BMERB1: variants seen among roughly 807,000 people sequenced by gnomAD.
The protein encoded by BMERB1 is bMERB domain-containing protein 1.
In BMERB1, 12 loss-of-function variants were observed where a neutral mutation model predicts 23.6. That is an observed-to-expected ratio of 0.51 (90% confidence interval 0.33 to 0.82). BMERB1 has a LOEUF of 0.82. BMERB1 is among the 40% of genes least tolerant of loss of function. BMERB1 has a pLI of 0.03. For synonymous variants in BMERB1, 122 were observed against 96.6 expected (o/e 1.26, Z -1.54); for missense variants, 247 against 255.4 (o/e 0.97, Z 0.22).
intron 1 of BMERB1, among the ~76,000 whole-genome samples, chr16:15,514,253 G>A (rs1158093841): frequency 3.3e-5 from 5 of 152,300 alleles, no homozygotes; most frequent in South Asian, 2.1e-4. Context: ...GGATGACAGA[G>A]TGAGGCCTAG....
At chr16:15,470,667 A>G (rs2051221342) in intron 1 of BMERB1, among the ~76,000 whole-genome samples, 2 of 151,680 alleles carry the variant, frequency 1.3e-5, no homozygotes, top group Admixed American at 1.3e-4. Context: ...CTGGGATTAC[A>G]GGCACATGCC....
At chr16:15,490,652 C>G (rs1011218292) in intron 1 of BMERB1, among the ~76,000 whole-genome samples, 2 of 152,144 alleles carry the variant, frequency 1.3e-5, no homozygotes, top group African/African-American at 4.8e-5. Context: ...CAGAGACGCC[C>G]TGGCTACCTG....
chr16:15,530,903 CTTTTTTTTTT>C (rs1220558728), intron 2 of BMERB1, among the ~76,000 whole-genome samples: 2 of 109,250 alleles, frequency 1.8e-5, no homozygotes, highest in African/African-American at 3.5e-5. Flanking sequence ...TTTCTTCTTT[CTTTTTTTTTT>C]TTTTTTTTTT....
At chr16:15,518,475 G>A (rs73499114) in intron 2 of BMERB1, among the ~76,000 whole-genome samples, 4,430 of 152,214 alleles carry the variant, frequency 0.029, 201 homozygotes, top group South Asian at 0.11. Flanking sequence ...ATAGACGGTG[G>A]ACACTAAGGC....
intron 2 of BMERB1, chr16:15,536,619 A>G (rs1353120664): frequency 6.6e-6 from 1 of 152,296 alleles, no homozygotes; most frequent in Non-Finnish European, 1.5e-5. Flanking sequence ...CAATGTGTCC[A>G]TCTTGCACCA....
chr16:15,498,664 C>T (rs1270929230), intron 1 of BMERB1, among the ~76,000 whole-genome samples: 1 of 148,808 alleles, frequency 6.7e-6, no homozygotes, highest in Admixed American at 6.8e-5. Flanking sequence ...GAAGATGGAA[C>T]TAAGGAAGGA....
intron 1 of BMERB1, among the ~76,000 whole-genome samples, chr16:15,453,234 G>C (rs528070350): frequency 6.7e-6 from 1 of 149,968 alleles, no homozygotes; most frequent in South Asian, 2.1e-4. Flanking sequence ...AATAAAACAG[G>C]GTTAATGCTC....
intron 2 of BMERB1, among the ~76,000 whole-genome samples, chr16:15,529,392 C>T (rs2051946099): frequency 6.6e-6 from 1 of 152,116 alleles, no homozygotes; most frequent in African/African-American, 2.4e-5. Flanking sequence ...GACTAAGGCA[C>T]CTGATAAACT....
At chr16:15,559,884 T>C (rs1028380972) in intron 2 of BMERB1, among the ~76,000 whole-genome samples, 2 of 152,146 alleles carry the variant, frequency 1.3e-5, no homozygotes, top group Non-Finnish European at 2.9e-5. Flanking sequence ...AAGAATTGTC[T>C]TGGACCACAC....
intron 2 of BMERB1, among the ~76,000 whole-genome samples, chr16:15,548,807 T>A (rs1034689740): frequency 3.3e-5 from 5 of 152,202 alleles, no homozygotes; most frequent in African/African-American, 9.6e-5. Context: ...CTTATCTGCT[T>A]CTGCTGGTGC....
chr16:15,567,479 G>A (rs953932679), intron 2 of BMERB1, among the ~76,000 whole-genome samples: 2 of 152,108 alleles, frequency 1.3e-5, no homozygotes, highest in African/African-American at 2.4e-5. Flanking sequence ...CAGGCACCGC[G>A]GCTTATGCCT....
intron 2 of BMERB1, among the ~76,000 whole-genome samples, chr16:15,533,315 G>A (rs560326101): frequency 2.0e-5 from 3 of 152,174 alleles, no homozygotes; most frequent in African/African-American, 7.2e-5. Context: ...TTGAAACGAC[G>A]AGAGAAGTCT....
chr16:15,467,189 T>C (rs912594151), intron 1 of BMERB1, among the ~76,000 whole-genome samples: 3 of 152,192 alleles, frequency 2.0e-5, no homozygotes, highest in African/African-American at 7.2e-5. Flanking sequence ...TAAGTTTTCA[T>C]TTCTCTGAGA....
intron 1 of BMERB1, among the ~76,000 whole-genome samples, chr16:15,497,181 C>T (rs910821395): frequency 6.6e-6 from 1 of 152,126 alleles, no homozygotes; most frequent in African/African-American, 2.4e-5. Context: ...AGGAAGGAGG[C>T]TTTACTCAGG....
chr16:15,515,280 G>T, intron 1 of BMERB1, 25 bp from the exon 2 acceptor site: 1 of 1,612,582 alleles, frequency 6.2e-7, no homozygotes, highest in Non-Finnish European at 8.5e-7. Context: ...GGTCCTGATG[G>T]TTGTATTTCC....
intron 3 of BMERB1, among the ~76,000 whole-genome samples, chr16:15,570,150 G>C (rs1332547681): frequency 1.3e-5 from 2 of 152,136 alleles, no homozygotes; most frequent in African/African-American, 2.4e-5. Context: ...CCCTTGACTT[G>C]AATGTTTTTG....
At chr16:15,497,257 T>C (rs1167670775) in intron 1 of BMERB1, among the ~76,000 whole-genome samples, 4 of 151,944 alleles carry the variant, frequency 2.6e-5, no homozygotes, top group African/African-American at 7.3e-5. Flanking sequence ...AAATCAAGGG[T>C]TTATACAGCA....
intron 1 of BMERB1, among the ~76,000 whole-genome samples, chr16:15,512,012 CAAAAAA>C (rs57021793): frequency 0.1 from 6,108 of 60,888 alleles, 432 homozygotes; most frequent in African/African-American, 0.33. Flanking sequence ...GACTTGCTCT[CAAAAAA>C]AAAAAAAAAA....
intron 2 of BMERB1, among the ~76,000 whole-genome samples, chr16:15,564,172 A>C (rs535666493): frequency 6.6e-6 from 1 of 152,242 alleles, no homozygotes; most frequent in Non-Finnish European, 1.5e-5. Flanking sequence ...TTGTCTTTAT[A>C]AAGATATTAT....
Sources: allele counts gnomAD v4.1 joint callset (sites outside exome capture counted in the v4.1 genomes callset), GRCh38; gene constraint gnomAD v4.1.1; transcripts MANE v1.5; gene names NCBI Gene and HGNC (gene_info 2026-07-23, HGNC 2026-07-21).